GPHN: variants seen among roughly 807,000 people sequenced by gnomAD.
GPHN encodes gephyrin.
GPHN carries 17 observed loss-of-function variants against 95.5 expected under a neutral mutation model. That is an observed-to-expected ratio of 0.18 (90% CI 0.12 to 0.27). The LOEUF is 0.27. Among genes scored for constraint, GPHN ranks in the 10% least tolerant of loss-of-function variants. The pLI, the probability that GPHN is intolerant of heterozygous loss-of-function variation, is 1.00. For missense variants in GPHN, 660 were observed against 978.1 expected (o/e 0.67, Z 4.34); for synonymous variants, 320 against 322.5 (o/e 0.99, Z 0.08).
At chr14:66,544,596 T>C (rs530376946) in intron 1 of GPHN, among the ~76,000 whole-genome samples, 1 of 151,520 alleles carries the variant, frequency 6.6e-6, no homozygotes, top group Non-Finnish European at 1.5e-5. Context: ...TTTTTTAATT[T>C]ATTTATTTTT....
chr14:66,980,848 T>G (rs961856467), intron 9 of GPHN, among the ~76,000 whole-genome samples: 1 of 152,166 alleles, frequency 6.6e-6, no homozygotes. Flanking sequence ...GTCGGGAGTT[T>G]GAGACCAGCC....
At chr14:66,692,958 G>T (rs1209110700) in intron 2 of GPHN, among the ~76,000 whole-genome samples, 1 of 151,800 alleles carries the variant, frequency 6.6e-6, no homozygotes, top group Non-Finnish European at 1.5e-5. Flanking sequence ...TATAAGCATG[G>T]CATTGAACTA....
intron 4 of GPHN, among the ~76,000 whole-genome samples, chr14:66,857,484 A>G (rs2062849633): frequency 6.6e-6 from 1 of 152,240 alleles, no homozygotes; most frequent in South Asian, 2.1e-4. Flanking sequence ...AGGCTTTTCG[A>G]CAACATTGGA....
At chr14:67,692,391 T>G in the GPHN span, 2 of 1,598,686 alleles carry the variant, frequency 1.3e-6, no homozygotes, top group Non-Finnish European at 1.7e-6. Flanking sequence ...GAATCTGCCA[T>G]GTTGACCTCA....
chr14:67,006,687 C>T (rs1373456750), intron 9 of GPHN, among the ~76,000 whole-genome samples: 1 of 152,140 alleles, frequency 6.6e-6, no homozygotes, highest in Admixed American at 6.6e-5. Context: ...AAATGGTCTT[C>T]AGTCAGATGC....
In GPHN at chr14:66,527,495, G is replaced by A. The variant is rs540411025; in HGVS notation, c.64+18904G>A. On this transcript the variant is annotated intron_variant, in intron 1 of 22. Coordinates refer to ENST00000478722, the MANE Select transcript of GPHN (RefSeq NM_020806.5). ...GTTCTGCGCTGACCTTAGTTATTTC[G>A]TGTCTTCTGCTAGCTTTTAAAATTG... 4.0e-5 allele frequency among the ~76,000 whole-genome samples: 6 copies of A among 150,192 alleles called. No homozygotes were observed. The South Asian group carries it at 6.3e-4, about 16-fold the overall frequency.
At chr14:67,024,994 C>G (rs1198768457) in intron 10 of GPHN, among the ~76,000 whole-genome samples, 2 of 151,962 alleles carry the variant, frequency 1.3e-5, no homozygotes, top group African/African-American at 4.8e-5. Flanking sequence ...GTGGCTCACA[C>G]CTCAAAAAAA....
At chr14:66,797,515 G>C (rs1271396829) in intron 3 of GPHN, among the ~76,000 whole-genome samples, 1 of 151,726 alleles carries the variant, frequency 6.6e-6, no homozygotes, top group Non-Finnish European at 1.5e-5. Flanking sequence ...GTGTATCATA[G>C]TTTTCATTAA....
chr14:67,261,445 A>G, the GPHN span, among the ~76,000 whole-genome samples: 1 of 152,180 alleles, frequency 6.6e-6, no homozygotes, highest in East Asian at 1.9e-4. Flanking sequence ...GTTTAGGGAT[A>G]TTACAGTTAC....
chr14:66,601,284 A>G lies in GPHN; in HGVS notation c.65-79823A>G, dbSNP rs368667134. Among the ~76,000 whole-genome samples the G allele has an allele frequency of 2.4e-4, 37 of 152,182 alleles. No individual in the cohort carries two copies. In the South Asian group the frequency reaches 6.6e-3, roughly 27 times the overall value. On this transcript the variant is annotated intron_variant, in intron 1 of 22. Transcript: ENST00000478722. ...GTAGTGCTACCAAGATGTAGTGGAT[A>G]TTCAGAGGGAAGATTATTTTGGAGA...
chr14:67,438,453 G>C, the GPHN span, among the ~76,000 whole-genome samples: 1 of 152,006 alleles, frequency 6.6e-6, no homozygotes, highest in African/African-American at 2.4e-5. Flanking sequence ...GAAGATCTCA[G>C]TTCAAATCCT....
At chr14:67,647,097 A>G in the GPHN span, 1 of 990,570 alleles carries the variant, frequency 1.0e-6, no homozygotes, top group Non-Finnish European at 1.6e-6. Context: ...TCTTGAGGAC[A>G]GCAGCTTTAC....
intron 1 of GPHN, among the ~76,000 whole-genome samples, chr14:66,529,194 A>G (rs1426418405): frequency 6.7e-6 from 1 of 150,348 alleles, no homozygotes; most frequent in East Asian, 2.0e-4. Flanking sequence ...TCTTGTCTTC[A>G]TGTTTTATTT....
At chr14:67,494,902 A>G in the GPHN span, among the ~76,000 whole-genome samples, 8 of 152,206 alleles carry the variant, frequency 5.3e-5, 1 homozygote, top group African/African-American at 1.4e-4. Context: ...GCTTGAAGTT[A>G]GGAGTTTGAG....
intron 1 of GPHN, among the ~76,000 whole-genome samples, chr14:66,545,180 C>T (rs1412458420): frequency 1.0e-3 from 158 of 151,426 alleles, no homozygotes; most frequent in African/African-American, 3.5e-3. Context: ...CCCCACCTCC[C>T]GGACGGAGCG....
At chr14:66,621,717 C>G (rs1226055549) in intron 1 of GPHN, among the ~76,000 whole-genome samples, 1 of 152,214 alleles carries the variant, frequency 6.6e-6, no homozygotes. Context: ...CCACCGCACC[C>G]AGCCGGCTGT....
At chr14:66,968,628 T>G (rs559377409) in intron 9 of GPHN, among the ~76,000 whole-genome samples, 1 of 152,216 alleles carries the variant, frequency 6.6e-6, no homozygotes, top group South Asian at 2.1e-4. Flanking sequence ...GGAAATGCTT[T>G]TTTCTCTACC....
At chr14:67,367,721 A>G in the GPHN span, among the ~76,000 whole-genome samples, 1 of 151,200 alleles carries the variant, frequency 6.6e-6, no homozygotes, top group Non-Finnish European at 1.5e-5. Context: ...CTGTAGTCCC[A>G]GCTTCTCGGG....
At chr14:66,620,089 G>T (rs1033140286) in intron 1 of GPHN, among the ~76,000 whole-genome samples, 6 of 152,150 alleles carry the variant, frequency 3.9e-5, no homozygotes, top group Non-Finnish European at 8.8e-5. Context: ...AGGTTAGGCA[G>T]AGGGTTCAGG....
Sources: allele counts gnomAD v4.1 joint callset (sites outside exome capture counted in the v4.1 genomes callset), GRCh38; gene constraint gnomAD v4.1.1; transcripts MANE v1.5; gene names NCBI Gene and HGNC (gene_info 2026-07-23, HGNC 2026-07-21).